SV2B: variants seen among roughly 807,000 people sequenced by gnomAD.
SV2B encodes the protein solute carrier family 22 member B2.
Under a neutral mutation model 73.9 loss-of-function variants are expected in SV2B, and 41 were observed. The ratio of observed to expected loss-of-function variants is 0.56; its 90% CI spans 0.43 to 0.72. SV2B has a LOEUF of 0.72. Among genes scored for constraint, SV2B ranks in the 30% least tolerant of loss-of-function variants. The pLI is 0.00. For synonymous variants in SV2B, 314 were observed against 314.2 expected (o/e 1.00, Z 0.01); for missense variants, 764 against 857.8 (o/e 0.89, Z 1.37).
chr15:91,105,281 G>A lies in SV2B; in HGVS notation c.-392+4918G>A, dbSNP rs2041851893. Among the ~76,000 whole-genome samples the A allele has an allele frequency of 6.6e-6, 1 of 152,166 alleles. No individual in the cohort carries two copies. On this transcript the variant is annotated intron_variant, in intron 1 of 12. Transcript: ENST00000394232. The surrounding 1 kb of genome is among the most constrained non-coding windows in gnomAD (Gnocchi z 5.5). The stretch of plus-strand genomic sequence containing the variant: ...GGGGGTGCCTTGTTGTGTTGGAGTG[G>A]GAGGGTAGGGTAAAACGAAGTGTGG...
chr15:91,111,784 T>G (rs1298963788), intron 1 of SV2B, among the ~76,000 whole-genome samples: 4 of 152,150 alleles, frequency 2.6e-5, no homozygotes, highest in African/African-American at 9.7e-5. Context: ...TGGTGGCATC[T>G]GGAGAGGCCT....
In SV2B at chr15:91,284,630, A is replaced by G. The variant is rs939757431; in HGVS notation, c.1708+409A>G. ...ACTTTTATTATTTAATAGCAATACCACTTTAGGCTTTGGAGTTGGACAGAG... is the reference window on the plus strand; with the variant it reads ...ACTTTTATTATTTAATAGCAATACCGCTTTAGGCTTTGGAGTTGGACAGAG... On this transcript the variant is annotated intron_variant, in intron 11 of 12. Transcript: ENST00000394232. This position sits in a 1 kb window ranked among gnomAD's most constrained non-coding sequence, Gnocchi z 4.5. Among the ~76,000 whole-genome samples, 1 of 152,200 alleles carries G rather than the reference A, an allele frequency of 6.6e-6. No homozygotes were observed. The highest frequency in any genetic ancestry group is 2.4e-5 in the African/African-American group (1 of 41,450).
Position 91,242,543 on chromosome 15 carries a change from G to A in SV2B, c.452-9276G>A, listed in dbSNP as rs75179233. Among the ~76,000 whole-genome samples, 4,637 of 152,186 alleles carry A rather than the reference G, an allele frequency of 0.03. 248 individuals carry two copies. Among genetic ancestry groups the A allele is most frequent in the African/African-American group, 0.11 (4,409 of 41,484 alleles). Reference sequence around the variant, plus strand: ...TCAGGGAAGGCCTCTTTGAGATTTCGCCTGAAATATGAGAAGGAGCCAGCC... The same window carrying A: ...TCAGGGAAGGCCTCTTTGAGATTTCACCTGAAATATGAGAAGGAGCCAGCC... On this transcript the variant is annotated intron_variant, in intron 2 of 12. Transcript: ENST00000394232. The surrounding 1 kb of genome is among the most constrained non-coding windows in gnomAD (Gnocchi z 4.9).
In SV2B at chr15:91,132,485, T is replaced by TA. The variant is rs781268510; in HGVS notation, c.-392+32123dup. Among the ~76,000 whole-genome samples, 3 of 152,210 alleles carry TA rather than the reference T, an allele frequency of 2.0e-5. No individual in the cohort carries two copies. Among genetic ancestry groups the TA allele is most frequent in the Non-Finnish European group, 4.4e-5 (3 of 68,032 alleles). ...AACCATTCAGAGGCTGGAGTGAAGT[T>TA]ACAAAGTTGCAAACGAAGACGGGAC... is the stretch of plus-strand genomic sequence containing the variant. On this transcript the variant is annotated intron_variant, in intron 1 of 12. Coordinates refer to ENST00000394232, the MANE Select transcript of SV2B (RefSeq NM_001323032.3). This position sits in a 1 kb window ranked among gnomAD's most constrained non-coding sequence, Gnocchi z 4.6.
chr15:91,162,051 A>C (rs1006641415), intron 1 of SV2B, among the ~76,000 whole-genome samples: 4 of 152,352 alleles, frequency 2.6e-5, no homozygotes, highest in African/African-American at 9.6e-5. Context: ...ATGAAGATTT[A>C]AACAATGAAT....
chr15:91,185,163 C>T (rs73505109), intron 1 of SV2B, among the ~76,000 whole-genome samples: 2,686 of 152,274 alleles, frequency 0.018, 79 homozygotes, highest in African/African-American at 0.058. Flanking sequence ...CCTTGACCTC[C>T]CTGGGCTCAG....
At chr15:91,131,772 G>A (rs554274816) in intron 1 of SV2B, among the ~76,000 whole-genome samples, 224 of 152,320 alleles carry the variant, frequency 1.5e-3, no homozygotes, top group African/African-American at 5.0e-3. Context: ...AGACCAGCCT[G>A]GGCAGTACGG....
chr15:91,260,286 GA>G (rs762776230), intron 5 of SV2B, 33 bp from the exon 6 acceptor site: 1 of 1,580,340 alleles, frequency 6.3e-7, no homozygotes, highest in Non-Finnish European at 8.6e-7. Flanking sequence ...AGTCAGCAAT[GA>G]ATTTTTCCTG....
chr15:91,130,401 G>T lies in SV2B; in HGVS notation c.-392+30038G>T, dbSNP rs1479287472. Among the ~76,000 whole-genome samples, 3 of 152,164 alleles carry T rather than the reference G, an allele frequency of 2.0e-5. No homozygotes were observed. The highest frequency in any genetic ancestry group is 7.2e-5 in the African/African-American group (3 of 41,432). On this transcript the variant is annotated intron_variant, in intron 1 of 12. Coordinates refer to ENST00000394232, the MANE Select transcript of SV2B (RefSeq NM_001323032.3). This position sits in a 1 kb window ranked among gnomAD's most constrained non-coding sequence, Gnocchi z 5.6. ...GCTGAAGCATCATGTGGCAGAAGTG[G>T]CTGAAATCATCCAGGGAGACAGAAT...
intron 1 of SV2B, among the ~76,000 whole-genome samples, chr15:91,167,046 C>T (rs1486609716): frequency 2.6e-5 from 4 of 152,096 alleles, no homozygotes; most frequent in Non-Finnish European, 4.4e-5. Context: ...ATCTCCTGAC[C>T]TCGTGATCCG....
intron 1 of SV2B, among the ~76,000 whole-genome samples, chr15:91,206,201 CTTT>C (rs538615675): frequency 2.9e-5 from 3 of 101,906 alleles, no homozygotes; most frequent in African/African-American, 8.0e-5. Context: ...CCATGCCTGG[CTTT>C]TTTTTTTTTT....
chr15:91,222,774 A>G (rs1216127626), intron 1 of SV2B, among the ~76,000 whole-genome samples: 1 of 152,170 alleles, frequency 6.6e-6, no homozygotes, highest in Admixed American at 6.5e-5. Flanking sequence ...TCAGTTTCTT[A>G]ATCTGTGTAA....
chr15:91,169,703 T>G (rs983558082), intron 1 of SV2B, among the ~76,000 whole-genome samples: 7 of 152,042 alleles, frequency 4.6e-5, no homozygotes, highest in African/African-American at 1.7e-4. Flanking sequence ...CGAAATAATT[T>G]CAGGTGGTGA....
chr15:91,185,205 G>A (rs1775988408), intron 1 of SV2B, among the ~76,000 whole-genome samples: 1 of 152,172 alleles, frequency 6.6e-6, no homozygotes, highest in Non-Finnish European at 1.5e-5. Context: ...AAGTAGCTGG[G>A]ACTACAGGCA....
intron 1 of SV2B, among the ~76,000 whole-genome samples, chr15:91,210,996 C>T (rs1050628222): frequency 6.6e-5 from 10 of 152,222 alleles, no homozygotes; most frequent in African/African-American, 2.4e-4. Context: ...GAATCAATGC[C>T]TGCCATTGAT....
At chr15:91,201,081 T>C (rs902614543) in intron 1 of SV2B, among the ~76,000 whole-genome samples, 8 of 152,252 alleles carry the variant, frequency 5.3e-5, no homozygotes, top group Non-Finnish European at 5.9e-5. Context: ...ATGGACATGC[T>C]ATTCCCTTTA....
chr15:91,257,192 A>G (rs2047727992), intron 4 of SV2B, among the ~76,000 whole-genome samples: 1 of 152,212 alleles, frequency 6.6e-6, no homozygotes, highest in Non-Finnish European at 1.5e-5. Flanking sequence ...ACTAAATGTC[A>G]TGGAGCTATT....
intron 11 of SV2B, among the ~76,000 whole-genome samples, chr15:91,287,582 A>G (rs2048902252): frequency 6.6e-6 from 1 of 152,166 alleles, no homozygotes; most frequent in South Asian, 2.1e-4. Context: ...GGGATCTCCT[A>G]TCAGCTCTAT....
In SV2B at chr15:91,128,003, A is replaced by G. The variant is rs1261255969; in HGVS notation, c.-392+27640A>G. Among the ~76,000 whole-genome samples, 1 of 152,184 alleles carries G rather than the reference A, an allele frequency of 6.6e-6. No homozygotes were observed. The highest frequency in any genetic ancestry group is 1.5e-5 in the Non-Finnish European group (1 of 68,022). The stretch of plus-strand genomic sequence containing the variant: ...TGGCATTTGGTGCTCTGCAGAGAAA[A>G]ACATCCCTCAGGTATTTGAACCTAT... On this transcript the variant is annotated intron_variant, in intron 1 of 12. Coordinates refer to ENST00000394232, the MANE Select transcript of SV2B (RefSeq NM_001323032.3). This position sits in a 1 kb window ranked among gnomAD's most constrained non-coding sequence, Gnocchi z 4.2.
Sources: allele counts gnomAD v4.1 joint callset (sites outside exome capture counted in the v4.1 genomes callset), GRCh38; gene constraint gnomAD v4.1.1; non-coding constraint Gnocchi (gnomAD v3.1); transcripts MANE v1.5; gene names NCBI Gene and HGNC (gene_info 2026-07-23, HGNC 2026-07-21).